The following SLC38A6 variants were observed in gnomAD, a reference collection of about 807,000 sequenced individuals.
SLC38A6 encodes solute carrier family 38 member 6.
A neutral mutation model predicts 65.0 loss-of-function variants in SLC38A6; 73 were observed. The observed-to-expected ratio is 1.12, with a 90% confidence interval of 0.93 to 1.37. The LOEUF is 1.37. Ranked by LOEUF, SLC38A6 falls within the 40% of genes most tolerant of loss-of-function variation. SLC38A6 has a pLI of 0.00. For missense variants in SLC38A6, 561 were observed against 531.1 expected (o/e 1.06, Z -0.55); for synonymous variants, 183 against 178.8 (o/e 1.02, Z -0.19).
chr14:61,022,289 G>A (rs998172844), intron 5 of SLC38A6, among the ~76,000 whole-genome samples: 1 of 151,978 alleles, frequency 6.6e-6, no homozygotes, highest in South Asian at 2.1e-4. Flanking sequence ...GGGAACTTCA[G>A]TTCTTAGGAC....
intron 10 of SLC38A6, among the ~76,000 whole-genome samples, chr14:61,044,121 C>G (rs1288517317): frequency 6.6e-6 from 1 of 152,118 alleles, no homozygotes; most frequent in African/African-American, 2.4e-5. Flanking sequence ...TCTGCTTTAC[C>G]ACTCTAGAAG....
At chr14:61,077,623 G>A (rs1317845374) in intron 15 of SLC38A6, among the ~76,000 whole-genome samples, 2 of 151,982 alleles carry the variant, frequency 1.3e-5, no homozygotes, top group Admixed American at 6.6e-5. Context: ...CCTTGTCTTT[G>A]TCTAAAGATT....
intron 3 of SLC38A6, among the ~76,000 whole-genome samples, chr14:60,992,543 A>C (rs566086550): frequency 1.3e-5 from 2 of 152,158 alleles, no homozygotes; most frequent in Non-Finnish European, 2.9e-5. Flanking sequence ...CATACAGTTC[A>C]AAAGTGGGGA....
chr14:61,013,152 C>A (rs535509849), intron 3 of SLC38A6, among the ~76,000 whole-genome samples: 25 of 152,238 alleles, frequency 1.6e-4, no homozygotes, highest in African/African-American at 6.0e-4. Context: ...CCTTCTTTGT[C>A]TCTTTTTATC....
chr14:61,039,393 CAG>C (rs1186678847), intron 8 of SLC38A6, among the ~76,000 whole-genome samples: 1 of 151,922 alleles, frequency 6.6e-6, no homozygotes, highest in Non-Finnish European at 1.5e-5. Context: ...TATTTTGAGA[CAG>C]AGTTTTGCTC....
At chr14:61,075,863 C>CT (rs1327612434) in intron 15 of SLC38A6, among the ~76,000 whole-genome samples, 4 of 135,068 alleles carry the variant, frequency 3.0e-5, no homozygotes, top group African/African-American at 5.5e-5. Context: ...ACTCAACTTC[C>CT]TTTTTTTTTG....
In SLC38A6 at chr14:61,052,041, G is replaced by A. The variant is rs746190237; in HGVS notation, c.1196G>A (p.Gly399Asp). 7 of 1,599,496 alleles carry A rather than the reference G, an allele frequency of 4.4e-6. No individual in the cohort carries two copies. The Middle Eastern group carries it at 8.3e-4, about 190-fold the overall frequency. ...TCTTTTTTTTCCCTCCACTTTAAAG[G>A]TGCCAGTACATCAACATGTTTGATT... is the stretch of plus-strand genomic sequence containing the variant. ...PDIRNVFGVV[G>D]ASTSTCLIFI... The change falls in exon 15 of 16, where the codon GGT (glycine) becomes GAT (aspartate). Residue 399 changes from glycine (G) to aspartate (D), a missense_variant and splice_region_variant. Coordinates refer to ENST00000267488, the MANE Select transcript of SLC38A6 (RefSeq NM_153811.3).
intron 6 of SLC38A6, among the ~76,000 whole-genome samples, chr14:61,035,636 G>A (rs4902023): frequency 0.93 from 141,817 of 152,252 alleles, 66,443 homozygotes; most frequent in Non-Finnish European, 0.99. Flanking sequence ...ATGAAGTCCA[G>A]TTGTGCCACA....
chr14:61,028,866 A>G (rs1268389206), intron 5 of SLC38A6, among the ~76,000 whole-genome samples: 1 of 152,200 alleles, frequency 6.6e-6, no homozygotes, highest in Non-Finnish European at 1.5e-5. Flanking sequence ...CTATCTCCAT[A>G]CAAATTTACA....
At chr14:61,035,269 A>T (rs1169934610) in intron 6 of SLC38A6, among the ~76,000 whole-genome samples, 1 of 152,210 alleles carries the variant, frequency 6.6e-6, no homozygotes, top group Non-Finnish European at 1.5e-5. Flanking sequence ...ATCATGCATA[A>T]CATCTCTAAC....
At chr14:61,075,146 G>T (rs965859051) in intron 15 of SLC38A6, among the ~76,000 whole-genome samples, 1 of 152,096 alleles carries the variant, frequency 6.6e-6, no homozygotes, top group Non-Finnish European at 1.5e-5. Flanking sequence ...CTAACCCAGT[G>T]GTGGGAGTCT....
rs980317074 is a variant in SLC38A6, at chr14:61,070,274, T to C, written c.1291-8536T>C. Among the ~76,000 whole-genome samples the C allele has an allele frequency of 4.6e-4, 70 of 152,254 alleles. 1 individual carries two copies. The highest frequency in any genetic ancestry group is 1.5e-4 in the Non-Finnish European group (10 of 68,046). On this transcript the variant is annotated intron_variant, in intron 15 of 16. Transcript: ENST00000354886. ...TTTTTGCTTCTATGAGTTTGACTGC[T>C]CTCGCCATCTTGTACCAAGGAATCA... is the stretch of plus-strand genomic sequence containing the variant.
intron 3 of SLC38A6, among the ~76,000 whole-genome samples, chr14:60,990,612 G>T (rs1166121421): frequency 1.3e-5 from 2 of 151,934 alleles, no homozygotes; most frequent in Non-Finnish European, 2.9e-5. Context: ...TTCAGTCCAT[G>T]CCATACTGTT....
intron 2 of SLC38A6, among the ~76,000 whole-genome samples, chr14:60,983,384 G>T (rs1459863240): frequency 6.6e-6 from 1 of 152,110 alleles, no homozygotes; most frequent in East Asian, 1.9e-4. Flanking sequence ...CTAGCTACTT[G>T]GGAGGACTGC....
chr14:61,037,622 C>G lies in SLC38A6; in HGVS notation c.566-3C>G. ...TGCTTTTTATTTTACTGTTATTTTA[C>G]AGGCTTTCTTGGCTACACAAGTAGT... On this transcript the variant is annotated splice_region_variant and splice_polypyrimidine_tract_variant and intron_variant, in intron 7 of 15. Transcript: ENST00000267488. 1 of 1,584,464 alleles carries G rather than the reference C, an allele frequency of 6.3e-7. No homozygotes were observed. The highest frequency in any genetic ancestry group is 8.6e-7 in the Non-Finnish European group (1 of 1,162,038).
intron 15 of SLC38A6, 101 bp from the exon 16 acceptor site, chr14:61,052,248 A>G (rs1288001103): frequency 1.6e-6 from 2 of 1,251,664 alleles, no homozygotes; most frequent in East Asian, 5.3e-5. Context: ...TATAGAATAC[A>G]TTATTGCAGA....
intron 3 of SLC38A6, among the ~76,000 whole-genome samples, chr14:60,986,804 A>G (rs2037481104): frequency 6.6e-6 from 1 of 152,228 alleles, no homozygotes; most frequent in African/African-American, 2.4e-5. Context: ...TGTGGCAATT[A>G]TGTCTTTCAA....
At chr14:61,007,702 G>A (rs868109599) in intron 3 of SLC38A6, among the ~76,000 whole-genome samples, 30 of 6,812 alleles carry the variant, frequency 4.4e-3, no homozygotes, top group African/African-American at 7.8e-3. Flanking sequence ...AATGAACACC[G>A]ATATAAGTGA....
chr14:61,048,949 A>G (rs988710516), intron 12 of SLC38A6, among the ~76,000 whole-genome samples: 1 of 152,230 alleles, frequency 6.6e-6, no homozygotes, highest in East Asian at 1.9e-4. Context: ...ATTTGGAAAT[A>G]GAATCCAGAT....
Sources: gnomAD v4.1 joint callset for allele counts (sites outside exome capture counted in the v4.1 genomes callset) on GRCh38, gnomAD v4.1.1 for gene constraint, MANE v1.5 for transcripts, NCBI Gene and HGNC (gene_info 2026-07-23, HGNC 2026-07-21) for gene names.